The following TBC1D9 variants were observed in gnomAD, a reference collection of about 807,000 sequenced individuals.
The protein encoded by TBC1D9 is TBC1 domain family member 9.
A neutral mutation model predicts 132.0 loss-of-function variants in TBC1D9; 63 were observed. That is an observed-to-expected ratio of 0.48 (90% CI 0.39 to 0.59). The LOEUF (loss-of-function observed/expected upper bound fraction) is 0.59. Among genes scored for constraint, TBC1D9 ranks in the 20% least tolerant of loss-of-function variants. The pLI is 0.00. For missense variants in TBC1D9, 1,261 were observed against 1,592.7 expected (o/e 0.79, Z 3.54); for synonymous variants, 610 against 609.9 (o/e 1.00, Z 0.00).
At chr4:140,751,354 T>C (rs1429860968) in intron 1 of TBC1D9, among the ~76,000 whole-genome samples, 1 of 152,128 alleles carries the variant, frequency 6.6e-6, no homozygotes, top group East Asian at 1.9e-4. Context: ...TCCCAATAAA[T>C]CATTCTGGGG....
chr4:140,633,997 A>G lies in TBC1D9; in HGVS notation c.2697T>C (p.Asp899=), dbSNP rs1454677383. The G allele has an allele frequency of 6.2e-7, 1 of 1,613,948 alleles. No homozygotes were observed. The highest frequency in any genetic ancestry group is 1.7e-5 in the Admixed American group (1 of 60,024). ...AGTTAATCAAAGAGTCTCCATTTTC[A>G]TCTAATAACTGGAACAAGCGGGAGG... ...VLASRLFQLL[D]ENGDSLINFR... The change falls in exon 16 of 21, where the codon GAT becomes GAC. Residue 899 remains aspartate (D), a synonymous_variant. Coordinates refer to ENST00000442267, the MANE Select transcript of TBC1D9 (RefSeq NM_015130.3).
At chr4:140,652,244 T>TA (rs879361102) in intron 13 of TBC1D9, among the ~76,000 whole-genome samples, 2,609 of 94,896 alleles carry the variant, frequency 0.027, 68 homozygotes, top group African/African-American at 0.081. Context: ...CTGTCTCAAA[T>TA]AAAAAAAAAA....
intron 2 of TBC1D9, among the ~76,000 whole-genome samples, chr4:140,687,363 T>TC (rs1560885878): frequency 1.9e-4 from 13 of 69,456 alleles, no homozygotes; most frequent in African/African-American, 5.7e-4. Flanking sequence ...TATATATATA[T>TC]ATATATATAT....
intron 1 of TBC1D9, among the ~76,000 whole-genome samples, chr4:140,735,308 A>G (rs930325710): frequency 8.5e-5 from 13 of 152,086 alleles, no homozygotes; most frequent in Admixed American, 4.6e-4. Flanking sequence ...ATAAGAGTGG[A>G]AAAAGAAAAG....
chr4:140,671,690 G>A (rs1003502116), intron 6 of TBC1D9, among the ~76,000 whole-genome samples: 3 of 151,072 alleles, frequency 2.0e-5, no homozygotes. Context: ...GTGTGTGTGT[G>A]TGTGTGTGTG....
At chr4:140,673,303 A>C (rs1438247268) in intron 6 of TBC1D9, among the ~76,000 whole-genome samples, 1 of 152,104 alleles carries the variant, frequency 6.6e-6, no homozygotes, top group Admixed American at 6.5e-5. Flanking sequence ...TGTGTTAAAA[A>C]CCTCCAGTCA....
Position 140,622,152 on chromosome 4 carries a change from C to A in TBC1D9, c.*43G>T. ...TCAACACAGAAGAACATAAAAAATCCCTCCCCTCCCTCTCCTCCCACTCCC... is the reference window on the plus strand; with the variant it reads ...TCAACACAGAAGAACATAAAAAATCACTCCCCTCCCTCTCCTCCCACTCCC... On this transcript the variant is annotated 3_prime_UTR_variant, in exon 21 of 21. Coordinates refer to ENST00000442267, the MANE Select transcript of TBC1D9 (RefSeq NM_015130.3). 1 of 1,502,138 alleles carries A rather than the reference C, an allele frequency of 6.7e-7. No homozygotes were observed. The highest frequency in any genetic ancestry group is 2.3e-5 in the East Asian group (1 of 43,262). The allele number at this position is 1,502,138 out of a possible 1,614,324, so 93.1% of individuals were successfully genotyped here.
intron 1 of TBC1D9, among the ~76,000 whole-genome samples, chr4:140,708,124 T>C (rs1313817736): frequency 6.6e-6 from 1 of 152,180 alleles, no homozygotes; most frequent in East Asian, 1.9e-4. Context: ...AATTCTCAAT[T>C]TGATGAACAT....
chr4:140,638,634 A>G (rs2110975717), intron 15 of TBC1D9, among the ~76,000 whole-genome samples: 1 of 152,298 alleles, frequency 6.6e-6, no homozygotes, highest in African/African-American at 2.4e-5. Flanking sequence ...AATAAAAATA[A>G]AAAAATAAAG....
intron 6 of TBC1D9, among the ~76,000 whole-genome samples, chr4:140,672,566 A>G (rs1029838009): frequency 2.6e-5 from 4 of 152,208 alleles, no homozygotes. Context: ...AGCTATGTGG[A>G]TCTTGATAAA....
intron 2 of TBC1D9, among the ~76,000 whole-genome samples, chr4:140,695,913 A>G (rs1737948071): frequency 6.6e-6 from 1 of 152,216 alleles, no homozygotes; most frequent in African/African-American, 2.4e-5. Context: ...TCAGCTCAAC[A>G]AAACTGGCTG....
intron 13 of TBC1D9, among the ~76,000 whole-genome samples, chr4:140,640,654 G>A (rs1736972815): frequency 6.6e-6 from 1 of 152,268 alleles, no homozygotes; most frequent in Admixed American, 6.5e-5. Context: ...GGCAAACTGA[G>A]TTTGGGGTCC....
chr4:140,755,509 T>C (rs1738994092), intron 1 of TBC1D9, among the ~76,000 whole-genome samples: 1 of 152,168 alleles, frequency 6.6e-6, no homozygotes, highest in Non-Finnish European at 1.5e-5. Flanking sequence ...TACCTGATCC[T>C]GCTGTTGCCA....
At chr4:140,742,531 CAAAAAAAAA>C (rs35891616) in intron 1 of TBC1D9, among the ~76,000 whole-genome samples, 2 of 63,450 alleles carry the variant, frequency 3.2e-5, no homozygotes, top group African/African-American at 6.2e-5. Context: ...GACTCTGTCT[CAAAAAAAAA>C]AAAAAAAAAA....
intron 3 of TBC1D9, among the ~76,000 whole-genome samples, chr4:140,681,622 G>A (rs1238887735): frequency 6.6e-6 from 1 of 152,098 alleles, no homozygotes; most frequent in Non-Finnish European, 1.5e-5. Flanking sequence ...CACAGTCCAG[G>A]AATTACTATA....
rs1210039911 is a variant in TBC1D9 at position 140,621,715 on chromosome 4, G to T, written c.*480C>A. The stretch of plus-strand genomic sequence containing the variant: ...AATATTTTTAATACTTCCTAAAGTG[G>T]TATAGGATTTACCCTCGCTGACTAT... On this transcript the variant is annotated 3_prime_UTR_variant, in exon 21 of 21. Coordinates refer to ENST00000442267, the MANE Select transcript of TBC1D9 (RefSeq NM_015130.3). The T allele has an allele frequency of 2.0e-5, 3 of 152,454 alleles. No homozygotes were observed. The highest frequency in any genetic ancestry group is 6.5e-5 in the Admixed American group (1 of 15,292). The allele number at this position is 152,454 out of a possible 1,614,324, so 9.4% of individuals were successfully genotyped here.
chr4:140,669,332 C>G lies in TBC1D9; in HGVS notation c.1438-265G>C, dbSNP rs142266982. Among the ~76,000 whole-genome samples the G allele has an allele frequency of 4.4e-3, 673 of 152,210 alleles. 4 individuals carry two copies. Among genetic ancestry groups the G allele is most frequent in the African/African-American group, 0.015 (628 of 41,516 alleles). The stretch of plus-strand genomic sequence containing the variant: ...ATTTATGGTTTTATGTCTGCACCCC[C>G]AAGTGAAAGTAAGTTAATGATGTTT... On this transcript the variant is annotated intron_variant, in intron 8 of 20. Coordinates refer to ENST00000442267, the MANE Select transcript of TBC1D9 (RefSeq NM_015130.3).
At chr4:140,701,336 T>C (rs1014427848) in intron 2 of TBC1D9, among the ~76,000 whole-genome samples, 168 bp downstream of exon 2, 1 of 152,244 alleles carries the variant, frequency 6.6e-6, no homozygotes, top group Non-Finnish European at 1.5e-5. Flanking sequence ...ACTTTCATTG[T>C]GTTAAGCCAC....
chr4:140,731,977 C>T (rs1279829507), intron 1 of TBC1D9, among the ~76,000 whole-genome samples: 2 of 152,076 alleles, frequency 1.3e-5, no homozygotes, highest in Admixed American at 6.6e-5. Flanking sequence ...TGAAATCTAG[C>T]CCCAGCCCTG....
Sources: allele counts gnomAD v4.1 joint callset (sites outside exome capture counted in the v4.1 genomes callset), GRCh38; gene constraint gnomAD v4.1.1; transcripts MANE v1.5; gene names NCBI Gene and HGNC (gene_info 2026-07-23, HGNC 2026-07-21).